Variants in MAML2 observed in about 807,000 individuals in gnomAD.
MAML2 encodes the protein mastermind-like protein 2.
A neutral mutation model predicts 96.1 loss-of-function variants in MAML2; 22 were observed. The ratio of observed to expected loss-of-function variants is 0.23; its 90% confidence interval spans 0.16 to 0.33. The LOEUF (loss-of-function observed/expected upper bound fraction) is 0.33, where lower values mean the gene tolerates loss of function less well. MAML2 is among the 10% of genes least tolerant of loss of function. MAML2 has a pLI of 1.00. For synonymous variants in MAML2, 561 were observed against 521.3 expected, an observed-to-expected ratio of 1.08 and a Z score of -1.04; for missense variants, 1,367 against 1,392.4, an observed-to-expected ratio of 0.98 and a Z score of 0.29.
At chr11:95,987,354 G>A (rs1324896644) in intron 3 of MAML2, among the ~76,000 whole-genome samples, 2 of 152,212 alleles carry the variant, frequency 1.3e-5, no homozygotes, top group Non-Finnish European at 2.9e-5. Flanking sequence ...CAGCTTGGCT[G>A]TGAGTATCAT....
Position 95,998,174 on chromosome 11 carries a change from G to GTCTGTCTGTCTGTCTA in MAML2, c.2140-6452_2140-6451insTAGACAGACAGACAGA, listed in dbSNP as rs139615820. On this transcript the variant is annotated intron_variant, in intron 2 of 4. Transcript: ENST00000524717. ...TGTCTGTCTGTCTGTCTGTCTGTCT[G>GTCTGTCTGTCTGTCTA]TCTATCTATCTATCCACCCCATCCA... is the stretch of plus-strand genomic sequence containing the variant. 9.1e-3 allele frequency among the ~76,000 whole-genome samples: 1,348 copies of GTCTGTCTGTCTGTCTA among 147,772 alleles called. 21 individuals carry two copies. Among genetic ancestry groups the GTCTGTCTGTCTGTCTA allele is most frequent in the African/African-American group, 0.03 (1,170 of 39,646 alleles).
chr11:96,219,084 C>T (rs545835398), intron 1 of MAML2, among the ~76,000 whole-genome samples: 1 of 152,262 alleles, frequency 6.6e-6, no homozygotes, highest in South Asian at 2.1e-4. Context: ...CCATCCGGCT[C>T]CGGGTCTAAT....
At chr11:96,326,382 T>C (rs961682495) in intron 1 of MAML2, among the ~76,000 whole-genome samples, 7 of 149,760 alleles carry the variant, frequency 4.7e-5, no homozygotes, top group African/African-American at 1.7e-4. Context: ...TGTGTGTGTG[T>C]GTGTGCATGT....
intron 1 of MAML2, among the ~76,000 whole-genome samples, chr11:96,294,560 G>C (rs1456475967): frequency 1.3e-5 from 2 of 152,206 alleles, no homozygotes; most frequent in Admixed American, 1.3e-4. Context: ...GAAAGAGACA[G>C]CAGAGATCAC....
rs1864008063 is a variant in MAML2, at chr11:96,342,232, A to T, written c.-337T>A. The stretch of plus-strand genomic sequence containing the variant: ...ACCAAGCTGACAAGAGCCACTAGGT[A>T]CTTTGTAAACACACGATCTGGGGGT... On this transcript the variant is annotated 5_prime_UTR_variant, in exon 1 of 5. Coordinates refer to ENST00000524717, the MANE Select transcript of MAML2 (RefSeq NM_032427.4). 1 of 458,508 alleles carries T rather than the reference A, an allele frequency of 2.2e-6. No homozygotes were observed. Among genetic ancestry groups the T allele is most frequent in the Non-Finnish European group, 3.8e-6 (1 of 260,580 alleles). 28.4% of individuals were successfully genotyped at this position (458,508 alleles called of 1,614,324 possible).
intron 1 of MAML2, among the ~76,000 whole-genome samples, chr11:96,300,707 G>C (rs1017541229): frequency 2.0e-5 from 3 of 152,172 alleles, no homozygotes; most frequent in African/African-American, 7.2e-5. Flanking sequence ...TAAGCTATTG[G>C]AAGAAAGGGA....
At chr11:96,109,764 T>C (rs1860087637) in intron 1 of MAML2, among the ~76,000 whole-genome samples, 1 of 152,074 alleles carries the variant, frequency 6.6e-6, no homozygotes, top group Admixed American at 6.6e-5. Flanking sequence ...GAATGTGAGA[T>C]GTCTGTGGGG....
At chr11:96,025,201 T>C (rs1858497205) in intron 2 of MAML2, among the ~76,000 whole-genome samples, 1 of 152,098 alleles carries the variant, frequency 6.6e-6, no homozygotes, top group Non-Finnish European at 1.5e-5. Context: ...ATACACACCA[T>C]GGAATACCCC....
intron 1 of MAML2, among the ~76,000 whole-genome samples, chr11:96,319,506 T>C (rs916168301): frequency 6.6e-6 from 1 of 152,242 alleles, no homozygotes; most frequent in Non-Finnish European, 1.5e-5. Flanking sequence ...CAAAAAGTCA[T>C]GCCATCAGAG....
chr11:96,318,779 T>C (rs1221088775), intron 1 of MAML2, among the ~76,000 whole-genome samples: 2 of 152,232 alleles, frequency 1.3e-5, no homozygotes, highest in Non-Finnish European at 2.9e-5. Flanking sequence ...GGGACATTCA[T>C]TGAATACCTA....
chr11:96,100,822 T>A (rs1397385541), intron 1 of MAML2, among the ~76,000 whole-genome samples: 3 of 151,086 alleles, frequency 2.0e-5, no homozygotes, highest in African/African-American at 7.3e-5. Flanking sequence ...CTTGGCTCAC[T>A]GCAGCCTCAA....
chr11:96,074,868 C>T (rs1014621743), intron 2 of MAML2, among the ~76,000 whole-genome samples: 5 of 152,118 alleles, frequency 3.3e-5, no homozygotes, highest in African/African-American at 1.2e-4. Flanking sequence ...GCCAAGCACA[C>T]CCAGAGTGGT....
chr11:96,041,619 C>T (rs1410732296), intron 2 of MAML2, among the ~76,000 whole-genome samples: 2 of 152,126 alleles, frequency 1.3e-5, no homozygotes, highest in African/African-American at 4.8e-5. Context: ...CCATGGTCAT[C>T]TGGAGGAAGT....
intron 1 of MAML2, among the ~76,000 whole-genome samples, chr11:96,268,383 A>G (rs1325844517): frequency 6.6e-6 from 1 of 152,208 alleles, no homozygotes; most frequent in Non-Finnish European, 1.5e-5. Context: ...GCTACTCCAG[A>G]GGCTGAAGTG....
At chr11:96,267,477 C>T (rs1043031437) in intron 1 of MAML2, among the ~76,000 whole-genome samples, 2 of 152,166 alleles carry the variant, frequency 1.3e-5, no homozygotes, top group Non-Finnish European at 2.9e-5. Context: ...AATCAAAATC[C>T]TTTCCTACAG....
chr11:96,237,185 T>C (rs1412987696), intron 1 of MAML2, among the ~76,000 whole-genome samples: 1 of 152,218 alleles, frequency 6.6e-6, no homozygotes, highest in Non-Finnish European at 1.5e-5. Flanking sequence ...TTTATAGTAA[T>C]TTACCTTCTC....
chr11:96,266,320 C>CA (rs1375277340), intron 1 of MAML2, among the ~76,000 whole-genome samples: 1 of 152,124 alleles, frequency 6.6e-6, no homozygotes, highest in African/African-American at 2.4e-5. Context: ...CCTGTAATCC[C>CA]AGCACTTCGG....
At chr11:96,334,704 A>G (rs1318863852) in intron 1 of MAML2, among the ~76,000 whole-genome samples, 2 of 152,228 alleles carry the variant, frequency 1.3e-5, no homozygotes, top group Admixed American at 1.3e-4. Context: ...AAGATTATTT[A>G]CTGAATTAAT....
At chr11:96,240,176 C>T (rs987448637) in intron 1 of MAML2, among the ~76,000 whole-genome samples, 1 of 152,190 alleles carries the variant, frequency 6.6e-6, no homozygotes, top group Non-Finnish European at 1.5e-5. Context: ...ATTTCAAAAA[C>T]TCAATTAGCT....
Sources: gnomAD v4.1 joint callset for allele counts (sites outside exome capture counted in the v4.1 genomes callset) on GRCh38, gnomAD v4.1.1 for gene constraint, MANE v1.5 for transcripts, NCBI Gene and HGNC (gene_info 2026-07-23, HGNC 2026-07-21) for gene names.